The following SLC35D4 variants were observed in gnomAD, a reference collection of about 807,000 sequenced individuals.
The protein encoded by SLC35D4 is UDP-N-acetylglucosamine transporter SLC35D4.
At chr18:23,384,087 G>A in the SLC35D4 span, among the ~76,000 whole-genome samples, 10 of 150,502 alleles carry the variant, frequency 6.6e-5, no homozygotes, top group East Asian at 2.0e-4. Flanking sequence ...CTAGGAGCTC[G>A]AGAATAGCCT....
At chr18:23,306,144 G>T in the SLC35D4 span, among the ~76,000 whole-genome samples, 2 of 151,872 alleles carry the variant, frequency 1.3e-5, no homozygotes, top group Non-Finnish European at 2.9e-5. Flanking sequence ...GGGTACCAGT[G>T]CTGACTCCCA....
At chr18:23,398,969 A>G in the SLC35D4 span, among the ~76,000 whole-genome samples, 1 of 152,178 alleles carries the variant, frequency 6.6e-6, no homozygotes, top group East Asian at 1.9e-4. Context: ...TTCTCTTTTG[A>G]TGGCAAAATA....
the SLC35D4 span, among the ~76,000 whole-genome samples, chr18:23,261,161 C>CA: frequency 2.6e-5 from 4 of 152,186 alleles, no homozygotes; most frequent in Non-Finnish European, 4.4e-5. Context: ...ATCATCTATA[C>CA]AACATCAATA....
chr18:23,325,791 C>A, the SLC35D4 span, among the ~76,000 whole-genome samples: 1 of 152,120 alleles, frequency 6.6e-6, no homozygotes, highest in Admixed American at 6.6e-5. Flanking sequence ...GTGGCCTTTC[C>A]CTGGTCCCAC....
the SLC35D4 span, among the ~76,000 whole-genome samples, chr18:23,350,755 T>C: frequency 6.6e-6 from 1 of 151,894 alleles, no homozygotes; most frequent in Non-Finnish European, 1.5e-5. Context: ...CCAAACAGAG[T>C]GAACCCCTCT....
chr18:23,335,288 C>G, the SLC35D4 span, among the ~76,000 whole-genome samples: 1 of 152,210 alleles, frequency 6.6e-6, no homozygotes, highest in Admixed American at 6.5e-5. Flanking sequence ...TCATGCCTTT[C>G]TATCATTGAT....
chr18:23,364,990 A>G, the SLC35D4 span, among the ~76,000 whole-genome samples: 1 of 150,696 alleles, frequency 6.6e-6, no homozygotes, highest in Admixed American at 6.6e-5. Flanking sequence ...TACAAACTTT[A>G]AAAATGATGC....
At chr18:23,286,866 C>T in the SLC35D4 span, among the ~76,000 whole-genome samples, 4 of 152,050 alleles carry the variant, frequency 2.6e-5, no homozygotes, top group African/African-American at 9.7e-5. Context: ...TCCTGGATTA[C>T]AGCTGCATCT....
chr18:23,310,091 A>G, the SLC35D4 span: 491 of 483,336 alleles, frequency 1.0e-3, 3 homozygotes, highest in African/African-American at 9.7e-3. Context: ...ACTCATTTCC[A>G]TTTTGTCTCA....
the SLC35D4 span, among the ~76,000 whole-genome samples, chr18:23,305,975 T>C: frequency 6.6e-6 from 1 of 152,228 alleles, no homozygotes; most frequent in Non-Finnish European, 1.5e-5. Flanking sequence ...GGTTACCTTT[T>C]AGACTCCCCA....
At chr18:23,418,778 C>A in the SLC35D4 span, among the ~76,000 whole-genome samples, 1 of 151,812 alleles carries the variant, frequency 6.6e-6, no homozygotes. Flanking sequence ...GAGGCCGAAG[C>A]GGGTGGATCA....
chr18:23,381,933 T>C, the SLC35D4 span, among the ~76,000 whole-genome samples: 4 of 152,270 alleles, frequency 2.6e-5, no homozygotes, highest in African/African-American at 7.2e-5. Context: ...AAATCTTCCT[T>C]TCTAAATTCA....
At chr18:23,269,308 C>T in the SLC35D4 span, among the ~76,000 whole-genome samples, 5 of 152,322 alleles carry the variant, frequency 3.3e-5, no homozygotes, top group South Asian at 1.0e-3. Context: ...TTATAAGGGG[C>T]TTCCCCACCT....
chr18:23,388,531 C>G, the SLC35D4 span, among the ~76,000 whole-genome samples: 1 of 152,158 alleles, frequency 6.6e-6, no homozygotes. Context: ...GGAGTTGTGA[C>G]GCACAAATTA....
At chr18:23,247,733 C>G in the SLC35D4 span, among the ~76,000 whole-genome samples, 1 of 152,218 alleles carries the variant, frequency 6.6e-6, no homozygotes, top group Non-Finnish European at 1.5e-5. Flanking sequence ...TGAGCCGCAG[C>G]TCAGAGAAGC....
chr18:23,344,316 C>T, the SLC35D4 span, among the ~76,000 whole-genome samples: 112,157 of 152,154 alleles, frequency 0.74, 41,861 homozygotes, highest in Middle Eastern at 0.85. Flanking sequence ...GTGATGAACA[C>T]ACATGTGCAT....
the SLC35D4 span, among the ~76,000 whole-genome samples, chr18:23,244,598 CG>C: frequency 6.6e-6 from 1 of 152,190 alleles, no homozygotes; most frequent in Non-Finnish European, 1.5e-5. Flanking sequence ...TTAACAAGCA[CG>C]GAACAGCTGC....
At chr18:23,430,719 G>A in the SLC35D4 span, 3 of 1,533,646 alleles carry the variant, frequency 2.0e-6, no homozygotes, top group South Asian at 3.4e-5. Flanking sequence ...TCAAATGATA[G>A]AAAACTGACA....
chr18:23,270,349 T>G, the SLC35D4 span, among the ~76,000 whole-genome samples: 6 of 152,210 alleles, frequency 3.9e-5, no homozygotes, highest in Non-Finnish European at 8.8e-5. Context: ...AGAGGATATG[T>G]AGGAATGCCT....
Sources: gnomAD v4.1 joint callset for allele counts (sites outside exome capture counted in the v4.1 genomes callset) on GRCh38, gnomAD v4.1.1 for gene constraint, MANE v1.5 for transcripts, NCBI Gene and HGNC (gene_info 2026-07-23, HGNC 2026-07-21) for gene names.